ABCA12: variants seen among roughly 807,000 people sequenced by gnomAD.
The protein encoded by ABCA12 is glucosylceramide transporter ABCA12.
A neutral mutation model predicts 293.5 loss-of-function variants in ABCA12; 156 were observed. That is an observed-to-expected ratio of 0.53 (90% confidence interval 0.47 to 0.61). The LOEUF is 0.61. Among genes scored for constraint, ABCA12 ranks in the 20% least tolerant of loss-of-function variants. ABCA12 has a pLI of 0.00. For synonymous variants in ABCA12, 1,063 were observed against 1,108.0 expected, an observed-to-expected ratio of 0.96 and a Z score of 0.81; for missense variants, 2,797 against 3,090.2, an observed-to-expected ratio of 0.91 and a Z score of 2.25.
At chr2:215,073,097 A>G (rs1017829045) in intron 2 of ABCA12, among the ~76,000 whole-genome samples, 2 of 151,994 alleles carry the variant, frequency 1.3e-5, no homozygotes, top group African/African-American at 4.8e-5. Flanking sequence ...TCTGCCTCCA[A>G]AAAAAAAGAA....
chr2:214,996,825 A>G (rs1199255663), intron 23 of ABCA12, among the ~76,000 whole-genome samples: 1 of 152,182 alleles, frequency 6.6e-6, no homozygotes, highest in African/African-American at 2.4e-5. Context: ...AAGTCTGAAA[A>G]GGACAAGTGG....
chr2:215,028,231 G>A (rs530997240), intron 9 of ABCA12, among the ~76,000 whole-genome samples: 3 of 152,110 alleles, frequency 2.0e-5, no homozygotes, highest in Non-Finnish European at 4.4e-5. Context: ...GTAAATGCAG[G>A]AAAATATTTT....
At chr2:215,134,618 G>GAGAGAGAGAGAGAGAGACAAAC (rs1703167097) in intron 1 of ABCA12, among the ~76,000 whole-genome samples, 1 of 72,908 alleles carries the variant, frequency 1.4e-5, no homozygotes, top group African/African-American at 1.0e-4. Context: ...TATATATATA[G>GAGAGAGAGAGAGAGAGACAAAC]AGAGAGAGAG....
At chr2:215,060,416 A>T (rs1416787337) in intron 3 of ABCA12, among the ~76,000 whole-genome samples, 1 of 151,990 alleles carries the variant, frequency 6.6e-6, no homozygotes, top group African/African-American at 2.4e-5. Context: ...AATTTTAACC[A>T]TTCTTTTTTC....
chr2:215,032,864 T>C (rs1414246132), intron 8 of ABCA12, among the ~76,000 whole-genome samples: 5 of 152,202 alleles, frequency 3.3e-5, no homozygotes, highest in African/African-American at 1.2e-4. Flanking sequence ...TTGTCTCTAG[T>C]TAGTGCAACC....
intron 2 of ABCA12, among the ~76,000 whole-genome samples, chr2:215,105,578 G>GAC (rs747604210): frequency 0.037 from 5,311 of 142,712 alleles, 117 homozygotes; most frequent in African/African-American, 0.044. Flanking sequence ...AGGGCTTCAA[G>GAC]ACACACACAC....
intron 2 of ABCA12, 74 bp downstream of exon 2, chr2:215,111,523 C>T (rs1186357378): frequency 8.0e-7 from 1 of 1,257,506 alleles, no homozygotes; most frequent in Admixed American, 1.8e-5. Flanking sequence ...TGAAATGAAA[C>T]ACTAAAGTGG....
chr2:215,138,425 C>G lies in ABCA12; in HGVS notation c.-217G>C. 1 of 587,894 alleles carries G rather than the reference C, an allele frequency of 1.7e-6. No homozygotes were observed. Among genetic ancestry groups the G allele is most frequent in the Non-Finnish European group, 3.0e-6 (1 of 329,160 alleles). 36.4% of individuals were successfully genotyped at this position (587,894 alleles called of 1,614,324 possible). On this transcript the variant is annotated 5_prime_UTR_variant, in exon 1 of 53. Coordinates refer to ENST00000272895, the MANE Select transcript of ABCA12 (RefSeq NM_173076.3). ...ACCAAGAGGCACTTCTCAATCAACTCTTCTTCCAAAAGAAGGACCCAGATC... is the reference window on the plus strand; with the variant it reads ...ACCAAGAGGCACTTCTCAATCAACTGTTCTTCCAAAAGAAGGACCCAGATC...
chr2:215,063,838 T>C (rs1701585056), intron 3 of ABCA12, among the ~76,000 whole-genome samples: 1 of 151,996 alleles, frequency 6.6e-6, no homozygotes, highest in Non-Finnish European at 1.5e-5. Flanking sequence ...TAGTCACCCA[T>C]CTTATAAAGC....
At chr2:215,016,582 CAAAAAAAAAAAAAA>C (rs71041981) in intron 14 of ABCA12, among the ~76,000 whole-genome samples, 24 of 29,950 alleles carry the variant, frequency 8.0e-4, no homozygotes, top group Admixed American at 6.0e-3. Context: ...GACTCTGTCT[CAAAAAAAAAAAAAA>C]AAAAAAAAAA....
In ABCA12 at chr2:215,024,058, C is replaced by T. The variant is rs115858669; in HGVS notation, c.1287+1615G>A. Among the ~76,000 whole-genome samples, 305 of 152,310 alleles carry T rather than the reference C, an allele frequency of 2.0e-3. 1 individual carries two copies. The highest frequency in any genetic ancestry group is 3.5e-3 in the South Asian group (17 of 4,830). On this transcript the variant is annotated intron_variant, in intron 11 of 52. Transcript: ENST00000272895. ...CCCCTATACCTGTCTTTCAAGTTCA[C>T]GCCTCTATCTTCTTAAACTCAGGAC...
In ABCA12 at chr2:215,015,782, A is replaced by G. The variant is rs1700481207; in HGVS notation, c.1783-119T>C. On this transcript the variant is annotated intron_variant, in intron 14 of 52. Transcript: ENST00000272895. ...CTAAAACAAAAGGTCCTCAAGAATC[A>G]AACAACTTTTCATCTAAAGCACTAA... 3.5e-6 allele frequency: 3 copies of G among 868,018 alleles called. No homozygotes were observed. The Admixed American group carries it at 6.3e-5, about 18-fold the overall frequency. The allele number at this position is 868,018 out of a possible 1,614,324, so 53.8% of individuals were successfully genotyped here.
At chr2:215,073,578 C>A (rs952534914) in intron 2 of ABCA12, among the ~76,000 whole-genome samples, 2 of 152,146 alleles carry the variant, frequency 1.3e-5, no homozygotes, top group South Asian at 4.1e-4. Context: ...CCGCCCCCAC[C>A]GAGATATTCT....
intron 2 of ABCA12, among the ~76,000 whole-genome samples, chr2:215,066,206 A>G (rs1234008133): frequency 6.6e-6 from 1 of 152,128 alleles, no homozygotes; most frequent in African/African-American, 2.4e-5. Flanking sequence ...GCACTCTGTT[A>G]CACAGATCTC....
At position 214,950,416 on chromosome 2, in the gene ABCA12, GTGTGTA is replaced by G. The variant is rs1306470329; in HGVS notation, c.6852+457_6852+462del. On this transcript the variant is annotated intron_variant, in intron 45 of 52. Coordinates refer to ENST00000272895, the MANE Select transcript of ABCA12 (RefSeq NM_173076.3). ...TGTGTGTGTGTGTGTGTGTGTGTGT[GTGTGTA>G]TATATATGCATGTGTGTATATTTTC... Among the ~76,000 whole-genome samples, 129 of 128,872 alleles carry G rather than the reference GTGTGTA, an allele frequency of 1.0e-3. 1 individual carries two copies. The highest frequency in any genetic ancestry group is 3.7e-3 in the African/African-American group (125 of 34,054). 84.5% of individuals were successfully genotyped at this position (128,872 alleles called of 152,430 possible). A position where few individuals can be genotyped will look rare whatever the true frequency, so the allele number is the denominator to read the frequency against.
At chr2:214,933,289 A>G (rs986564173) in intron 52 of ABCA12, among the ~76,000 whole-genome samples, 1 of 152,180 alleles carries the variant, frequency 6.6e-6, no homozygotes. Flanking sequence ...GTTTCATCCA[A>G]AAACTATCGA....
In ABCA12 at chr2:215,015,495, A is replaced by G. The variant is rs1459667494; in HGVS notation, c.1951T>C (p.Tyr651His). ...LHYLNIYNFT[Y>H]KVFFPRKDQK... ...TTTAACCAACAGCAACTTGCCTTGTATGTGAAGTTGTAAATGTTTAAGTAG... is the reference window on the plus strand; with the variant it reads ...TTTAACCAACAGCAACTTGCCTTGTGTGTGAAGTTGTAAATGTTTAAGTAG... The change falls in exon 15 of 53, where the codon TAC becomes CAC. Residue 651 changes from tyrosine (Y) to histidine (H), a missense_variant. Tyr to His is a moderately conservative substitution (Grantham distance 83). This residue lies in a region of ABCA12 where 2,130 missense variants were observed against 2,427.0 expected (regional missense o/e 0.88). Transcript: ENST00000272895. 15 of 1,613,966 alleles carry G rather than the reference A, an allele frequency of 9.3e-6. No individual in the cohort carries two copies. Among genetic ancestry groups the G allele is most frequent in the South Asian group, 3.3e-5 (3 of 91,074 alleles).
rs75693572 is a variant in ABCA12 at position 214,978,840 on chromosome 2, G to A, written c.4941C>T (p.Ile1647=). The change falls in exon 32 of 53, where the codon ATC becomes ATT. Residue 1647 remains isoleucine (I), a synonymous_variant. Transcript: ENST00000272895. ...TGGTATCTGAAATGCCGTAGCACCC[G>A]ATGTTGAGGTCACCCATGCCATTGT... is the stretch of plus-strand genomic sequence containing the variant. ...ALDNGMGDLN[I]GCYGISDTTV... is the part of the protein sequence containing the mutation. The A allele has an allele frequency of 1.4e-3, 2,306 of 1,613,982 alleles. 26 individuals are homozygous for A. The African/African-American group carries it at 0.025, about 18-fold the overall frequency.
chr2:215,092,489 A>C (rs1444296689), intron 2 of ABCA12, among the ~76,000 whole-genome samples: 1 of 151,574 alleles, frequency 6.6e-6, no homozygotes, highest in Non-Finnish European at 1.5e-5. Context: ...AGTATTGGAC[A>C]CCTCTACTCC....
Sources: allele counts gnomAD v4.1 joint callset (sites outside exome capture counted in the v4.1 genomes callset), GRCh38; gene constraint gnomAD v4.1.1; regional missense constraint gnomAD v4.1.1; transcripts MANE v1.5; gene names NCBI Gene and HGNC (gene_info 2026-07-23, HGNC 2026-07-21).